ZNF385B: variants seen among roughly 807,000 people sequenced by gnomAD.
ZNF385B encodes zinc finger protein 385B.
A neutral mutation model predicts 39.2 loss-of-function variants in ZNF385B; 23 were observed. The observed-to-expected ratio is 0.59, with a 90% CI of 0.42 to 0.83. ZNF385B has a LOEUF of 0.83. Among genes scored for constraint, ZNF385B ranks in the 40% least tolerant of loss-of-function variants. The pLI is 0.00. For synonymous variants in ZNF385B, 205 were observed against 222.6 expected (o/e 0.92, Z 0.70); for missense variants, 552 against 598.9 (o/e 0.92, Z 0.82).
chr2:179,849,195 A>G (rs1222952935), intron 1 of ZNF385B, among the ~76,000 whole-genome samples: 2 of 152,240 alleles, frequency 1.3e-5, no homozygotes, highest in African/African-American at 2.4e-5. Context: ...TATCAGCATC[A>G]TTCTGGCTTC....
chr2:179,456,076 T>G (rs559426646), intron 6 of ZNF385B, among the ~76,000 whole-genome samples: 1 of 152,300 alleles, frequency 6.6e-6, no homozygotes, highest in East Asian at 1.9e-4. Context: ...TCTGCATTGT[T>G]AAGCAACACA....
chr2:179,591,320 A>T (rs1687544515), intron 3 of ZNF385B, among the ~76,000 whole-genome samples: 1 of 152,154 alleles, frequency 6.6e-6, no homozygotes, highest in Non-Finnish European at 1.5e-5. Flanking sequence ...GATTAAGGAA[A>T]AATGGGAATA....
At chr2:179,728,800 C>T (rs1284878215) in intron 3 of ZNF385B, among the ~76,000 whole-genome samples, 2 of 151,990 alleles carry the variant, frequency 1.3e-5, no homozygotes, top group Non-Finnish European at 2.9e-5. Context: ...AAATATTCCT[C>T]AGAAAAAGCC....
chr2:179,554,195 T>C (rs1305573706), intron 3 of ZNF385B, among the ~76,000 whole-genome samples: 3 of 149,284 alleles, frequency 2.0e-5, no homozygotes, highest in Non-Finnish European at 3.0e-5. Context: ...CACTATGCCA[T>C]ATCCCAGGAG....
intron 1 of ZNF385B, among the ~76,000 whole-genome samples, chr2:179,821,002 C>A (rs1174513921): frequency 1.3e-5 from 2 of 152,134 alleles, no homozygotes; most frequent in Non-Finnish European, 2.9e-5. Flanking sequence ...CACTTCAGAG[C>A]AACCTATCAA....
At chr2:179,702,747 A>T (rs909466614) in intron 3 of ZNF385B, among the ~76,000 whole-genome samples, 2 of 152,198 alleles carry the variant, frequency 1.3e-5, no homozygotes, top group Non-Finnish European at 2.9e-5. Context: ...TATAGTTAAG[A>T]TTGGTTAAGT....
chr2:179,669,837 G>A (rs1285186634), intron 3 of ZNF385B, among the ~76,000 whole-genome samples: 1 of 152,106 alleles, frequency 6.6e-6, no homozygotes, highest in Admixed American at 6.5e-5. Context: ...AGACACCAGA[G>A]GTCTCACAAG....
At chr2:179,518,138 T>C (rs1419774474) in intron 5 of ZNF385B, among the ~76,000 whole-genome samples, 1 of 152,210 alleles carries the variant, frequency 6.6e-6, no homozygotes, top group Non-Finnish European at 1.5e-5. Context: ...GTGAGATTAA[T>C]TGTAAAATGG....
intron 3 of ZNF385B, among the ~76,000 whole-genome samples, chr2:179,584,541 G>A (rs1686882884): frequency 6.6e-6 from 1 of 152,158 alleles, no homozygotes; most frequent in African/African-American, 2.4e-5. Flanking sequence ...GAAGGCCTCT[G>A]AGCATGTGCA....
intron 4 of ZNF385B, 32 bp downstream of exon 4, chr2:179,544,795 G>A (rs779131624): frequency 3.1e-6 from 5 of 1,612,792 alleles, no homozygotes; most frequent in Non-Finnish European, 4.2e-6. Flanking sequence ...GATGGAGGAG[G>A]ACACAAATAA....
intron 1 of ZNF385B, among the ~76,000 whole-genome samples, chr2:179,856,838 A>T (rs1684645568): frequency 1.3e-5 from 2 of 152,214 alleles, no homozygotes; most frequent in Admixed American, 1.3e-4. Flanking sequence ...TCAGCTTCAG[A>T]AAGCATATCC....
At chr2:179,600,282 A>T (rs1170643055) in intron 3 of ZNF385B, among the ~76,000 whole-genome samples, 2 of 152,242 alleles carry the variant, frequency 1.3e-5, no homozygotes, top group Non-Finnish European at 2.9e-5. Flanking sequence ...AAGAAACGCC[A>T]GCATGTTGAG....
intron 3 of ZNF385B, among the ~76,000 whole-genome samples, chr2:179,644,316 C>T (rs1239827266): frequency 6.6e-6 from 1 of 151,238 alleles, no homozygotes; most frequent in East Asian, 1.9e-4. Flanking sequence ...AAGGTTTACA[C>T]CCAATTATCT....
intron 3 of ZNF385B, among the ~76,000 whole-genome samples, chr2:179,670,656 T>C (rs1695862155): frequency 6.6e-6 from 1 of 152,204 alleles, no homozygotes; most frequent in Non-Finnish European, 1.5e-5. Flanking sequence ...TGGTCCAACA[T>C]ACCACTGAAA....
chr2:179,668,723 G>A (rs980284501), intron 3 of ZNF385B, among the ~76,000 whole-genome samples: 3 of 151,696 alleles, frequency 2.0e-5, no homozygotes, highest in Admixed American at 6.6e-5. Context: ...GGGGAAAAAA[G>A]GGACAATTTT....
At chr2:179,704,180 A>G (rs1282440161) in intron 3 of ZNF385B, among the ~76,000 whole-genome samples, 2 of 152,244 alleles carry the variant, frequency 1.3e-5, no homozygotes, top group African/African-American at 2.4e-5. Context: ...ATAAAGCCCT[A>G]TACCAGAATA....
chr2:179,482,059 AC>A (rs2054062573), intron 6 of ZNF385B, among the ~76,000 whole-genome samples: 3 of 152,208 alleles, frequency 2.0e-5, no homozygotes, highest in Admixed American at 2.0e-4. Flanking sequence ...TGTACAAAGA[AC>A]AAAAAGTCTT....
At chr2:179,837,571 T>C (rs965527496) in intron 1 of ZNF385B, among the ~76,000 whole-genome samples, 4 of 152,196 alleles carry the variant, frequency 2.6e-5, no homozygotes, top group Non-Finnish European at 4.4e-5. Context: ...AGCAACTGTT[T>C]TGAAAGCAAA....
At chr2:179,505,353 A>C (rs140187602) in intron 5 of ZNF385B, among the ~76,000 whole-genome samples, 7 of 152,260 alleles carry the variant, frequency 4.6e-5, no homozygotes, top group African/African-American at 1.7e-4. Context: ...CAGTGTATAT[A>C]GGACATTTTG....
Sources: allele counts gnomAD v4.1 joint callset (sites outside exome capture counted in the v4.1 genomes callset), GRCh38; gene constraint gnomAD v4.1.1; transcripts MANE v1.5; gene names NCBI Gene and HGNC (gene_info 2026-07-23, HGNC 2026-07-21).